Variants in WDR26 observed in about 807,000 individuals in gnomAD.
The protein encoded by WDR26 is WD repeat domain 26.
Under a neutral mutation model 84.1 loss-of-function variants are expected in WDR26, and 5 were observed. The ratio of observed to expected loss-of-function variants is 0.06; its 90% CI spans 0.03 to 0.13. The LOEUF (loss-of-function observed/expected upper bound fraction) is 0.13. Among genes scored for constraint, WDR26 ranks in the 10% least tolerant of loss-of-function variants. The probability of loss-of-function intolerance (pLI) is 1.00; values close to 1 mark genes in which losing one functional copy is unlikely to be tolerated. For missense variants in WDR26, 642 were observed against 974.9 expected (o/e 0.66, Z 4.55); for synonymous variants, 415 against 389.6 (o/e 1.07, Z -0.77).
At chr1:224,415,625 T>C (rs1277582520) in intron 6 of WDR26, among the ~76,000 whole-genome samples, 1 of 152,084 alleles carries the variant, frequency 6.6e-6, no homozygotes, top group Non-Finnish European at 1.5e-5. Context: ...CATGCCCGGC[T>C]ATTTTTTTTG....
At chr1:224,393,152 C>T (rs1673172164) in intron 13 of WDR26, among the ~76,000 whole-genome samples, 1 of 152,184 alleles carries the variant, frequency 6.6e-6, no homozygotes, top group Non-Finnish European at 1.5e-5. Flanking sequence ...AAAAACCTTT[C>T]AGACTTAGAC....
intron 7 of WDR26, among the ~76,000 whole-genome samples, chr1:224,406,270 G>C (rs1673546366): frequency 6.6e-6 from 1 of 152,184 alleles, no homozygotes; most frequent in African/African-American, 2.4e-5. Context: ...CAGATTTCTG[G>C]TTTAGGGGAT....
chr1:224,402,476 G>T (rs1185329211), intron 8 of WDR26, among the ~76,000 whole-genome samples: 1 of 152,102 alleles, frequency 6.6e-6, no homozygotes. Context: ...GATTAGAAAG[G>T]ATTTTTCTAA....
In WDR26 at chr1:224,398,473, T is replaced by C. The variant is rs577019695; in HGVS notation, c.1944+42A>G. 20 of 1,529,048 alleles carry C rather than the reference T, an allele frequency of 1.3e-5. No homozygotes were observed. In the South Asian group the frequency reaches 2.2e-4, roughly 17 times the overall value. The allele number at this position is 1,529,048 out of a possible 1,614,324, so 94.7% of individuals were successfully genotyped here. A position where few individuals can be genotyped will look rare whatever the true frequency, so the allele number is the denominator to read the frequency against. ...AAAATAACAGTTAAAATAAAACTTG[T>C]ACTAAGCCAAATTTTTCAGAAAATT... On this transcript the variant is annotated intron_variant, in intron 11 of 13. Transcript: ENST00000414423.
chr1:224,388,381 G>A lies in WDR26; in HGVS notation c.*1454C>T, dbSNP rs1388320197. On this transcript the variant is annotated 3_prime_UTR_variant, in exon 14 of 14. Transcript: ENST00000414423. Reference sequence around the variant, plus strand: ...ATTTATCCTCTACTGAAAAAGGGAGGGAATTTCAAGGGAGACTATGTTATG... The same window carrying A: ...ATTTATCCTCTACTGAAAAAGGGAGAGAATTTCAAGGGAGACTATGTTATG... 6.6e-6 allele frequency: 1 copy of A among 152,176 alleles called. No homozygotes were observed. The highest frequency in any genetic ancestry group is 2.4e-5 in the African/African-American group (1 of 41,434). 9.4% of individuals were successfully genotyped at this position (152,176 alleles called of 1,614,324 possible).
chr1:224,429,501 G>C (rs1674324637), intron 3 of WDR26: 2 of 152,138 alleles, frequency 1.3e-5, no homozygotes, highest in Non-Finnish European at 1.5e-5. Flanking sequence ...TCTTCTTCTG[G>C]AGATGGGATG....
chr1:224,434,289 T>A lies in WDR26; in HGVS notation c.117A>T (p.Val39=). Residue 39 remains valine (V), a synonymous_variant, in exon 1 of 14, where the codon GTA becomes GTT. Coordinates refer to ENST00000414423, the MANE Select transcript of WDR26 (RefSeq NM_001379403.1). ...TGCCTGCCGAAGCCCCGGGCTCTCC[T>A]ACTCCCTCCGCCGCCGAGGCTCGGG... 1 of 1,240,260 alleles carries A rather than the reference T, an allele frequency of 8.1e-7. No homozygotes were observed. The highest frequency in any genetic ancestry group is 1.0e-6 in the Non-Finnish European group (1 of 992,728). 76.8% of individuals were successfully genotyped at this position (1,240,260 alleles called of 1,614,324 possible). A position where few individuals can be genotyped will look rare whatever the true frequency, so the allele number is the denominator to read the frequency against.
At chr1:224,407,122 T>TG (rs1673589410) in intron 7 of WDR26, among the ~76,000 whole-genome samples, 1 of 11,678 alleles carries the variant, frequency 8.6e-5, no homozygotes, top group Non-Finnish European at 1.4e-4. Context: ...ACTCTGTCTT[T>TG]AAAAAAAAAA....
chr1:224,427,386 G>A (rs1211170891), intron 3 of WDR26, among the ~76,000 whole-genome samples: 1 of 151,898 alleles, frequency 6.6e-6, no homozygotes, highest in East Asian at 1.9e-4. Flanking sequence ...ATGTGTGCAG[G>A]GACAGTGCCC....
chr1:224,411,665 C>T, intron 6 of WDR26, 100 bp from the exon 7 acceptor site: 1 of 1,267,590 alleles, frequency 7.9e-7, no homozygotes. Context: ...AAGATCACAT[C>T]ACTAACTTTA....
intron 1 of WDR26, among the ~76,000 whole-genome samples, chr1:224,432,120 G>A (rs11805973): frequency 0.28 from 42,040 of 152,024 alleles, 7,138 homozygotes; most frequent in African/African-American, 0.47. Flanking sequence ...AACATACTAC[G>A]TTACATTTTG....
Position 224,413,218 on chromosome 1 carries a change from C to CA in WDR26, c.1320-1654dup, listed in dbSNP as rs1553357396. On this transcript the variant is annotated intron_variant, in intron 6 of 13. Coordinates refer to ENST00000414423, the MANE Select transcript of WDR26 (RefSeq NM_001379403.1). Reference sequence around the variant, plus strand: ...CAACAACAACAAAAACCCCCCCCCCCAAAAAAAACGTTATTTAAACAATAA... The same window carrying CA: ...CAACAACAACAAAAACCCCCCCCCCCAAAAAAAAACGTTATTTAAACAATAA... The CA allele has an allele frequency of 6.8e-4, 572 of 845,682 alleles. 8 individuals are homozygous for CA. In the African/African-American group the frequency reaches 9.2e-3, roughly 14 times the overall value. The allele number at this position is 845,682 out of a possible 1,614,324, so 52.4% of individuals were successfully genotyped here.
rs774839027 is a variant in WDR26 at position 224,389,911 on chromosome 1, G to A, written c.2261-51C>T. The A allele has an allele frequency of 5.7e-6, 7 of 1,230,308 alleles. No homozygotes were observed. The East Asian group carries it at 8.1e-5, about 14-fold the overall frequency. 76.2% of individuals were successfully genotyped at this position (1,230,308 alleles called of 1,614,324 possible). ...TGGGGGGCGGGCGGGGGAGGGAAGA[G>A]GGGAAGGAGAGAAAAAAATTACCAG... is the stretch of plus-strand genomic sequence containing the variant. On this transcript the variant is annotated intron_variant, in intron 13 of 13. Coordinates refer to ENST00000414423, the MANE Select transcript of WDR26 (RefSeq NM_001379403.1).
chr1:224,415,453 C>CTTTTTTTTTTTTTTTT lies in WDR26; in HGVS notation c.1319+2791_1319+2806dup, dbSNP rs149995544. Among the ~76,000 whole-genome samples the CTTTTTTTTTTTTTTTT allele has an allele frequency of 8.3e-4, 68 of 82,348 alleles. 6 individuals are homozygous for CTTTTTTTTTTTTTTTT. Among genetic ancestry groups the CTTTTTTTTTTTTTTTT allele is most frequent in the African/African-American group, 3.3e-3 (67 of 20,588 alleles). 54.0% of individuals were successfully genotyped at this position (82,348 alleles called of 152,430 possible). A position where few individuals can be genotyped will look rare whatever the true frequency, so the allele number is the denominator to read the frequency against. ...ACAATTCTGGAACACGTATTTCTTT[C>CTTTTTTTTTTTTTTTT]TTTTTTTTTTTTTTTTTTTTTTTTT... On this transcript the variant is annotated intron_variant, in intron 6 of 13. Coordinates refer to ENST00000414423, the MANE Select transcript of WDR26 (RefSeq NM_001379403.1).
intron 7 of WDR26, among the ~76,000 whole-genome samples, chr1:224,407,193 A>G (rs1673605531): frequency 1.5e-5 from 2 of 129,844 alleles, no homozygotes; most frequent in East Asian, 2.2e-4. Flanking sequence ...TTTTATGTAC[A>G]TGAATGAAAA....
chr1:224,426,823 G>A (rs1179356973), intron 3 of WDR26, among the ~76,000 whole-genome samples: 1 of 151,848 alleles, frequency 6.6e-6, no homozygotes, highest in Non-Finnish European at 1.5e-5. Context: ...TCCACCGGGT[G>A]TGGTGGCTCA....
chr1:224,427,400 G>A (rs1490033457), intron 3 of WDR26, among the ~76,000 whole-genome samples: 1 of 151,938 alleles, frequency 6.6e-6, no homozygotes, highest in African/African-American at 2.4e-5. Flanking sequence ...AGTGCCCAAA[G>A]CGCTATTTCT....
rs571156479 is a variant in WDR26 at position 224,434,756 on chromosome 1, T to A, written c.-351A>T. ...CTCTGTCCTCGGATCCGCTCCGCTCTGCTCCCTGGTGTGTTGATTCTTCCC... is the reference window on the plus strand; with the variant it reads ...CTCTGTCCTCGGATCCGCTCCGCTCAGCTCCCTGGTGTGTTGATTCTTCCC... On this transcript the variant is annotated 5_prime_UTR_variant, in exon 1 of 14. Coordinates refer to ENST00000414423, the MANE Select transcript of WDR26 (RefSeq NM_001379403.1). 1.0e-6 allele frequency: 1 copy of A among 986,414 alleles called. No homozygotes were observed. The highest frequency in any genetic ancestry group is 6.2e-5 in the Admixed American group (1 of 16,234). The allele number at this position is 986,414 out of a possible 1,614,324, so 61.1% of individuals were successfully genotyped here.
rs1243282312 is a variant in WDR26, at chr1:224,434,766, T to A, written c.-361A>T. On this transcript the variant is annotated 5_prime_UTR_variant, in exon 1 of 14. Transcript: ENST00000414423. ...GGATCCGCTCCGCTCTGCTCCCTGGTGTGTTGATTCTTCCCCCAGCTGCTG... is the reference window on the plus strand; with the variant it reads ...GGATCCGCTCCGCTCTGCTCCCTGGAGTGTTGATTCTTCCCCCAGCTGCTG... 1.0e-6 allele frequency: 1 copy of A among 985,906 alleles called. No homozygotes were observed. Among genetic ancestry groups the A allele is most frequent in the East Asian group, 1.1e-4 (1 of 8,796 alleles). 61.1% of individuals were successfully genotyped at this position (985,906 alleles called of 1,614,324 possible). A position where few individuals can be genotyped will look rare whatever the true frequency, so the allele number is the denominator to read the frequency against.
Sources: gnomAD v4.1 joint callset for allele counts (sites outside exome capture counted in the v4.1 genomes callset) on GRCh38, gnomAD v4.1.1 for gene constraint, MANE v1.5 for transcripts, NCBI Gene and HGNC (gene_info 2026-07-23, HGNC 2026-07-21) for gene names.